Variants in RSRC1 observed in about 807,000 individuals in gnomAD.
RSRC1 encodes arginine and serine rich coiled-coil 1.
In RSRC1, 39 loss-of-function variants were observed where a neutral mutation model predicts 49.1. The observed-to-expected ratio is 0.79, with a 90% CI of 0.61 to 1.04. The LOEUF is 1.04. Among genes scored for constraint, RSRC1 ranks in the 50% least tolerant of loss-of-function variants. RSRC1 has a pLI of 0.00. For synonymous variants in RSRC1, 143 were observed against 130.8 expected, an observed-to-expected ratio of 1.09 and a Z score of -0.63; for missense variants, 388 against 402.4, an observed-to-expected ratio of 0.96 and a Z score of 0.31.
chr3:158,125,486 T>C (rs1715559042), intron 3 of RSRC1, among the ~76,000 whole-genome samples: 1 of 152,204 alleles, frequency 6.6e-6, no homozygotes, highest in Admixed American at 6.5e-5. Context: ...TATTTGGTTG[T>C]TCAAGAGTGT....
intron 6 of RSRC1, among the ~76,000 whole-genome samples, chr3:158,402,854 C>G (rs1211769786): frequency 1.3e-5 from 2 of 151,738 alleles, no homozygotes; most frequent in Admixed American, 6.6e-5. Context: ...TGCCTTTAAG[C>G]TGTATGTATG....
intron 3 of RSRC1, among the ~76,000 whole-genome samples, chr3:158,180,063 T>G (rs972615993): frequency 6.6e-6 from 1 of 152,202 alleles, no homozygotes; most frequent in Non-Finnish European, 1.5e-5. Context: ...TTTGTCCTTT[T>G]TTTCTAATTG....
chr3:158,497,653 C>G (rs1284974897), intron 7 of RSRC1, among the ~76,000 whole-genome samples: 3 of 151,866 alleles, frequency 2.0e-5, no homozygotes, highest in African/African-American at 7.3e-5. Flanking sequence ...GCCAGGATGA[C>G]CTCGATCTCT....
At chr3:158,194,888 G>C (rs1478297373) in intron 3 of RSRC1, among the ~76,000 whole-genome samples, 3 of 152,054 alleles carry the variant, frequency 2.0e-5, no homozygotes, top group Non-Finnish European at 2.9e-5. Context: ...TCTTAATCCA[G>C]TCTATCATTG....
At chr3:158,499,232 C>A (rs971527994) in intron 7 of RSRC1, among the ~76,000 whole-genome samples, 5 of 152,012 alleles carry the variant, frequency 3.3e-5, no homozygotes, top group Non-Finnish European at 4.4e-5. Context: ...AAAAAATTAG[C>A]CAGGCGTGGT....
intron 6 of RSRC1, among the ~76,000 whole-genome samples, chr3:158,419,033 A>G (rs980917999): frequency 6.6e-6 from 1 of 152,000 alleles, no homozygotes; most frequent in Non-Finnish European, 1.5e-5. Flanking sequence ...ATGGATTCAA[A>G]ATATGGTTTA....
intron 3 of RSRC1, among the ~76,000 whole-genome samples, chr3:158,180,042 T>A (rs1014838219): frequency 2.6e-5 from 4 of 152,226 alleles, no homozygotes; most frequent in Non-Finnish European, 5.9e-5. Flanking sequence ...TGGTGAAATA[T>A]GTTAACTTGT....
chr3:158,161,140 G>A (rs1320239825), intron 3 of RSRC1, among the ~76,000 whole-genome samples: 6 of 152,092 alleles, frequency 3.9e-5, no homozygotes, highest in Non-Finnish European at 7.4e-5. Context: ...ATGCTGCATA[G>A]TAAACCATTT....
intron 4 of RSRC1, among the ~76,000 whole-genome samples, chr3:158,236,771 T>A (rs1337945975): frequency 6.6e-6 from 1 of 152,214 alleles, no homozygotes; most frequent in East Asian, 1.9e-4. Flanking sequence ...AAAGAATTGC[T>A]ATCCCTGCAG....
At chr3:158,478,405 C>T (rs1738474700) in intron 7 of RSRC1, among the ~76,000 whole-genome samples, 1 of 151,780 alleles carries the variant, frequency 6.6e-6, no homozygotes, top group African/African-American at 2.4e-5. Flanking sequence ...GAGAGTAAAA[C>T]AAGCCTAATT....
chr3:158,228,826 C>T lies in RSRC1; in HGVS notation c.494+25581C>T, dbSNP rs201220934. On this transcript the variant is annotated intron_variant, in intron 4 of 9. Coordinates refer to ENST00000611884, the MANE Select transcript of RSRC1 (RefSeq NM_001271838.2). ...ATATATGTCTATGATCATAGACACA[C>T]GTGTGTATATATGTATATAAACACA... Among the ~76,000 whole-genome samples, 59 of 116,136 alleles carry T rather than the reference C, an allele frequency of 5.1e-4. 27 individuals are homozygous for T. Among genetic ancestry groups the T allele is most frequent in the African/African-American group, 1.8e-3 (54 of 30,790 alleles). 76.2% of individuals were successfully genotyped at this position (116,136 alleles called of 152,430 possible).
intron 6 of RSRC1, among the ~76,000 whole-genome samples, chr3:158,390,998 G>GAATTGC (rs1446419402): frequency 2.0e-5 from 3 of 151,892 alleles, no homozygotes; most frequent in Non-Finnish European, 4.4e-5. Flanking sequence ...TTTTATCTTT[G>GAATTGC]AATTGCAAAT....
intron 6 of RSRC1, among the ~76,000 whole-genome samples, chr3:158,406,649 G>A (rs993037427): frequency 6.6e-6 from 1 of 152,042 alleles, no homozygotes; most frequent in African/African-American, 2.4e-5. Context: ...AGAGTAATCA[G>A]AAACCATGCT....
At chr3:158,212,913 T>C (rs190528333) in intron 4 of RSRC1, among the ~76,000 whole-genome samples, 6 of 152,148 alleles carry the variant, frequency 3.9e-5, no homozygotes, top group Admixed American at 6.6e-5. Context: ...CAGTCTGCTG[T>C]GTATTTTTTT....
intron 5 of RSRC1, among the ~76,000 whole-genome samples, chr3:158,310,855 A>C (rs1421123489): frequency 6.6e-6 from 1 of 151,790 alleles, no homozygotes; most frequent in South Asian, 2.1e-4. Context: ...CAAAATTTAC[A>C]ATGAAATTTC....
chr3:158,212,660 C>G (rs1431129710), intron 4 of RSRC1, among the ~76,000 whole-genome samples: 1 of 151,834 alleles, frequency 6.6e-6, no homozygotes. Flanking sequence ...AACTGAAGGC[C>G]TTAGTGTTTG....
chr3:158,539,407 A>G lies in RSRC1; in HGVS notation c.759+2209A>G, dbSNP rs1712905822. Among the ~76,000 whole-genome samples the G allele has an allele frequency of 1.3e-5, 2 of 152,110 alleles. No individual in the cohort carries two copies. The highest frequency in any genetic ancestry group is 6.6e-5 in the Admixed American group (1 of 15,262). On this transcript the variant is annotated intron_variant, in intron 8 of 9. Coordinates refer to ENST00000611884, the MANE Select transcript of RSRC1 (RefSeq NM_001271838.2). This position sits in a 1 kb window ranked among gnomAD's most constrained non-coding sequence, Gnocchi z 4.1. Reference sequence around the variant, plus strand: ...TCGTATTTCTTTTGTCTGAGTAAATAGAGAATCTGATAGTCCCTGATATAT... The same window carrying G: ...TCGTATTTCTTTTGTCTGAGTAAATGGAGAATCTGATAGTCCCTGATATAT...
intron 6 of RSRC1, among the ~76,000 whole-genome samples, chr3:158,361,860 G>A (rs1467530229): frequency 6.6e-6 from 1 of 152,002 alleles, no homozygotes; most frequent in Non-Finnish European, 1.5e-5. Flanking sequence ...TCTAAAACAA[G>A]ATTTCCACAT....
chr3:158,412,017 C>A (rs1335182780), intron 6 of RSRC1, among the ~76,000 whole-genome samples: 1 of 152,044 alleles, frequency 6.6e-6, no homozygotes, highest in African/African-American at 2.4e-5. Context: ...CCATTGATAT[C>A]TTTGTTATCT....
Sources: allele counts gnomAD v4.1 joint callset (sites outside exome capture counted in the v4.1 genomes callset), GRCh38; gene constraint gnomAD v4.1.1; non-coding constraint Gnocchi (gnomAD v3.1); transcripts MANE v1.5; gene names NCBI Gene and HGNC (gene_info 2026-07-23, HGNC 2026-07-21).